Variants in PCDHGB2 observed in about 807,000 individuals in gnomAD.
The protein encoded by PCDHGB2 is protocadherin gamma subfamily B, 2, also known as protocadherin gamma-B2.
PCDHGB2 carries 55 observed loss-of-function variants against 59.3 expected under a neutral mutation model. The observed-to-expected ratio is 0.93, with a 90% confidence interval of 0.75 to 1.16. The LOEUF (loss-of-function observed/expected upper bound fraction) is 1.16. PCDHGB2 is among the 50% of genes most tolerant of loss of function. The probability of loss-of-function intolerance (pLI) is 0.00; values close to 1 mark genes in which losing one functional copy is unlikely to be tolerated. For missense variants in PCDHGB2, 1,228 were observed against 1,198.5 expected, an observed-to-expected ratio of 1.02 and a Z score of -0.36; for synonymous variants, 516 against 512.0, an observed-to-expected ratio of 1.01 and a Z score of -0.11.
At chr5:141,478,452 C>T (rs763187393) in intron 1 of PCDHGB2, 1 of 1,613,598 alleles carries the variant, frequency 6.2e-7, no homozygotes, top group Admixed American at 1.7e-5. Context: ...CCTGGTGCAG[C>T]CAGTCCACTG....
intron 1 of PCDHGB2, chr5:141,478,109 T>G: frequency 1.2e-6 from 2 of 1,614,086 alleles, no homozygotes; most frequent in Non-Finnish European, 8.5e-7. Flanking sequence ...CCTCACTGTG[T>G]CAGTAACCGA....
rs761264372 is a variant in PCDHGB2 at position 141,489,500 on chromosome 5, A to G, written c.2422-5307A>G. 12 of 1,614,112 alleles carry G rather than the reference A, an allele frequency of 7.4e-6. No individual in the cohort carries two copies. In the South Asian group the frequency reaches 1.3e-4, roughly 18 times the overall value. On this transcript the variant is annotated intron_variant, in intron 1 of 3. Coordinates refer to ENST00000522605, the MANE Select transcript of PCDHGB2 (RefSeq NM_018923.3). This position sits in a 1 kb window ranked among gnomAD's most constrained non-coding sequence, Gnocchi z 4.5. ...TTGATGAGTGGTGCCCTGGCAGTGA[A>G]TCAAAAGATTGACCGAGAAAGCCTA...
chr5:141,510,015 A>G (rs2099879210), intron 3 of PCDHGB2, among the ~76,000 whole-genome samples: 1 of 152,210 alleles, frequency 6.6e-6, no homozygotes, highest in Non-Finnish European at 1.5e-5. Flanking sequence ...GTCATACCAC[A>G]TAGCTGGCTG....
chr5:141,371,466 GA>G (rs756224078), intron 1 of PCDHGB2: 1 of 1,613,980 alleles, frequency 6.2e-7, no homozygotes, highest in Non-Finnish European at 8.5e-7. Context: ...ACATATACAA[GA>G]AGATGCTGAG....
At position 141,393,619 on chromosome 5, in the gene PCDHGB2, C is replaced by T. The variant is rs768350628; in HGVS notation, c.2421+31063C>T. 50 of 1,613,708 alleles carry T rather than the reference C, an allele frequency of 3.1e-5. No homozygotes were observed. Among genetic ancestry groups the T allele is most frequent in the Admixed American group, 6.7e-5 (4 of 60,000 alleles). ...CTGCTTACTGTAACAGCCAGCGACC[C>T]GGATGAGGGAATCAACGGAAAAGTG... On this transcript the variant is annotated intron_variant, in intron 1 of 3. Transcript: ENST00000522605.
Position 141,365,841 on chromosome 5 carries a change from A to G in PCDHGB2, c.2421+3285A>G, listed in dbSNP as rs765506735. 13 of 1,613,714 alleles carry G rather than the reference A, an allele frequency of 8.1e-6. No individual in the cohort carries two copies. The Admixed American group carries it at 8.3e-5, about 10-fold the overall frequency. On this transcript the variant is annotated intron_variant, in intron 1 of 3. Coordinates refer to ENST00000522605, the MANE Select transcript of PCDHGB2 (RefSeq NM_018923.3). ...TTTCAGGGGGCGCCCTTGTCCTCCT[A>G]TGTATCCATTAACTCTGACACCGGT... is the stretch of plus-strand genomic sequence containing the variant.
In PCDHGB2 at chr5:141,417,986, A is replaced by G. The variant is rs777967345; in HGVS notation, c.2421+55430A>G. On this transcript the variant is annotated intron_variant, in intron 1 of 3. Coordinates refer to ENST00000522605, the MANE Select transcript of PCDHGB2 (RefSeq NM_018923.3). ...CTACTCGATTCCGGAGGAGCTGGCC[A>G]AGGGCTCGGTGGTGGGGAACCTCGC... The G allele has an allele frequency of 9.9e-6, 16 of 1,613,490 alleles. No individual in the cohort carries two copies. Among genetic ancestry groups the G allele is most frequent in the Non-Finnish European group, 1.4e-5 (16 of 1,179,718 alleles).
At position 141,366,595 on chromosome 5, in the gene PCDHGB2, C is replaced by G. The variant is rs373756207; in HGVS notation, c.2421+4039C>G. 4.3e-6 allele frequency: 7 copies of G among 1,614,146 alleles called. No individual in the cohort carries two copies. The Admixed American group carries it at 8.3e-5, about 19-fold the overall frequency. On this transcript the variant is annotated intron_variant, in intron 1 of 3. Coordinates refer to ENST00000522605, the MANE Select transcript of PCDHGB2 (RefSeq NM_018923.3). ...GGGCTTTCCTGCAGACCTATTCCCA[C>G]GAGGTCTCCCTCACCGCGGACTCGA...
rs70988800 is a variant in PCDHGB2, at chr5:141,379,889, CTTTTTTTTTTTTTTT to C, written c.2421+17349_2421+17363del. On this transcript the variant is annotated intron_variant, in intron 1 of 3. Coordinates refer to ENST00000522605, the MANE Select transcript of PCDHGB2 (RefSeq NM_018923.3). ...CTTATTTTATGGTCTGTGAAAGCCT[CTTTTTTTTTTTTTTT>C]TTTTTTTTTTTTTTTGTCAGAGTCT... Among the ~76,000 whole-genome samples the C allele has an allele frequency of 9.8e-4, 50 of 50,836 alleles. 1 individual carries two copies. Among genetic ancestry groups the C allele is most frequent in the Non-Finnish European group, 5.4e-4 (14 of 25,884 alleles). The allele number at this position is 50,836 out of a possible 152,430, so 33.4% of individuals were successfully genotyped here.
chr5:141,385,288 T>G (rs1781084944), intron 1 of PCDHGB2: 1 of 1,613,250 alleles, frequency 6.2e-7, no homozygotes, highest in Admixed American at 1.7e-5. Context: ...ATCCGTAGAT[T>G]TTCAGGAATG....
At chr5:141,500,619 G>A (rs1230172485) in intron 2 of PCDHGB2, among the ~76,000 whole-genome samples, 1 of 152,072 alleles carries the variant, frequency 6.6e-6, no homozygotes, top group East Asian at 1.9e-4. Context: ...CCAGTCATAC[G>A]GTACATTTCC....
intron 1 of PCDHGB2, chr5:141,383,361 A>C: frequency 6.2e-7 from 1 of 1,614,022 alleles, no homozygotes; most frequent in Non-Finnish European, 8.5e-7. Flanking sequence ...GGTTTCCGTT[A>C]AGCGAGGCTG....
rs2099710738 is a variant in PCDHGB2, at chr5:141,491,331, T to C, written c.2422-3476T>C. 6.2e-7 allele frequency: 1 copy of C among 1,614,170 alleles called. No homozygotes were observed. The highest frequency in any genetic ancestry group is 8.5e-7 in the Non-Finnish European group (1 of 1,180,018). On this transcript the variant is annotated intron_variant, in intron 1 of 3. Coordinates refer to ENST00000522605, the MANE Select transcript of PCDHGB2 (RefSeq NM_018923.3). The surrounding 1 kb of genome is among the most constrained non-coding windows in gnomAD (Gnocchi z 6.9). ...ACCTTACCCTTTACCTCATTGTGGC[T>C]CTAGCGACCGTCAGTCTCTTATCCC...
chr5:141,383,097 C>T, intron 1 of PCDHGB2: 1 of 1,613,998 alleles, frequency 6.2e-7, no homozygotes, highest in Non-Finnish European at 8.5e-7. Context: ...GAGTCCGCAT[C>T]ATCTCCAGAG....
At position 141,447,667 on chromosome 5, in the gene PCDHGB2, G is replaced by A. The variant is rs115529144; in HGVS notation, c.2422-47140G>A. 2.4e-3 allele frequency among the ~76,000 whole-genome samples: 372 copies of A among 152,278 alleles called. 2 individuals are homozygous for A. Among genetic ancestry groups the A allele is most frequent in the African/African-American group, 8.6e-3 (358 of 41,546 alleles). The stretch of plus-strand genomic sequence containing the variant: ...TAGAATTTTCCCCCCCAGGAAGTTA[G>A]AACTGTTCCATATCTTGATAGAGGG... On this transcript the variant is annotated intron_variant, in intron 1 of 3. Transcript: ENST00000522605.
At position 141,471,056 on chromosome 5, in the gene PCDHGB2, T is replaced by C. The variant is rs1367189715; in HGVS notation, c.2422-23751T>C. On this transcript the variant is annotated intron_variant, in intron 1 of 3. Coordinates refer to ENST00000522605, the MANE Select transcript of PCDHGB2 (RefSeq NM_018923.3). ...ACAAGCCCAAGCCCTCTTTTTTTTT[T>C]TTTTTTTTTTGAGACAGGGTCTCCC... Among the ~76,000 whole-genome samples, 581 of 150,056 alleles carry C rather than the reference T, an allele frequency of 3.9e-3. 6 individuals are homozygous for C. Among genetic ancestry groups the C allele is most frequent in the Admixed American group, 0.011 (167 of 15,092 alleles).
intron 1 of PCDHGB2, chr5:141,384,782 C>G (rs746906389): frequency 6.2e-7 from 1 of 1,613,642 alleles, no homozygotes; most frequent in Non-Finnish European, 8.5e-7. Flanking sequence ...GAGGTGCGCA[C>G]GGCTCGGGCC....
chr5:141,428,523 T>G, intron 1 of PCDHGB2: 1 of 278,554 alleles, frequency 3.6e-6, no homozygotes, highest in Non-Finnish European at 7.1e-6. Context: ...AAAGAAGATT[T>G]AATTTTCTCA....
intron 1 of PCDHGB2, chr5:141,410,849 C>CTTTTTTTTTTTTTTTTTTGTTTTTTTT (rs2095435748): frequency 1.5e-5 from 2 of 129,786 alleles, no homozygotes; most frequent in Non-Finnish European, 2.6e-5. Context: ...TTGTCTTTGT[C>CTTTTTTTTTTTTTTTTTTGTTTTTTTT]TTTTTTTTTT....
Sources: allele counts gnomAD v4.1 joint callset (sites outside exome capture counted in the v4.1 genomes callset), GRCh38; gene constraint gnomAD v4.1.1; non-coding constraint Gnocchi (gnomAD v3.1); transcripts MANE v1.5; gene names NCBI Gene and HGNC (gene_info 2026-07-23, HGNC 2026-07-21).